PTK2: variants seen among roughly 807,000 people sequenced by gnomAD.
PTK2 encodes focal adhesion kinase 1.
In PTK2, 45 loss-of-function variants were observed where a neutral mutation model predicts 150.1. The ratio of observed to expected loss-of-function variants is 0.30; its 90% CI spans 0.24 to 0.38. The LOEUF (loss-of-function observed/expected upper bound fraction) is 0.38, where lower values mean the gene tolerates loss of function less well. Ranked by LOEUF, PTK2 falls within the 10% of genes least tolerant of loss-of-function variation. PTK2 has a pLI of 1.00. For synonymous variants in PTK2, 432 were observed against 449.2 expected (o/e 0.96, Z 0.48); for missense variants, 919 against 1,307.3 (o/e 0.70, Z 4.58).
At chr8:140,768,303 T>C (rs1406807065) in intron 14 of PTK2, among the ~76,000 whole-genome samples, 1 of 152,242 alleles carries the variant, frequency 6.6e-6, no homozygotes, top group Non-Finnish European at 1.5e-5. Context: ...GCTCAGCTTA[T>C]TCACCTGTAA....
chr8:140,816,932 T>C (rs1028730282), intron 10 of PTK2, among the ~76,000 whole-genome samples: 4 of 152,148 alleles, frequency 2.6e-5, no homozygotes, highest in Admixed American at 2.6e-4. Context: ...AACCCTGCAG[T>C]TCCATCCTTG....
chr8:140,953,608 T>C (rs2100180229), intron 1 of PTK2, among the ~76,000 whole-genome samples: 1 of 152,218 alleles, frequency 6.6e-6, no homozygotes, highest in Admixed American at 6.5e-5. Flanking sequence ...ATTTAAAACT[T>C]ATAAATTGTT....
chr8:140,700,895 A>T lies in PTK2; in HGVS notation c.2495T>A (p.Phe832Tyr), dbSNP rs1194624468. Residue 832 changes from phenylalanine to tyrosine, a missense_variant, in exon 26 of 32, where the codon TTT becomes TAT. This residue lies in a region of PTK2 where 258 missense variants were observed against 265.4 expected (regional missense o/e 0.97). Coordinates refer to ENST00000522684, the Ensembl canonical transcript of PTK2. The stretch of plus-strand genomic sequence containing the variant: ...GCCTTTCAGAAACACAATTACCAGA[A>T]ATCTTTCCTCTTTTTCCAGCCAGCG... 4 of 1,613,822 alleles carry T rather than the reference A, an allele frequency of 2.5e-6. No homozygotes were observed. The Admixed American group carries it at 6.7e-5, about 27-fold the overall frequency.
At chr8:140,760,449 ATAT>A (rs1459851995) in intron 16 of PTK2, among the ~76,000 whole-genome samples, 1 of 152,216 alleles carries the variant, frequency 6.6e-6, no homozygotes, top group African/African-American at 2.4e-5. Flanking sequence ...AACCTTAAAA[ATAT>A]TATGCTAAGC....
At chr8:140,874,175 T>C (rs952631606) in intron 4 of PTK2, among the ~76,000 whole-genome samples, 1 of 152,196 alleles carries the variant, frequency 6.6e-6, no homozygotes, top group African/African-American at 2.4e-5. Context: ...AAGAGCTCTC[T>C]AAGGTCATCC....
In PTK2 at chr8:140,678,522, T is replaced by C. The variant is rs2100015132; in HGVS notation, c.2563-3023A>G. On this transcript the variant is annotated intron_variant, in intron 27 of 31. Transcript: ENST00000522684. ...GTGCATGCCATCACACCTGGCTAGTTTTTATATTTCTTGTAGAGACAAGGT... is the reference window on the plus strand; with the variant it reads ...GTGCATGCCATCACACCTGGCTAGTCTTTATATTTCTTGTAGAGACAAGGT... 2.0e-5 allele frequency among the ~76,000 whole-genome samples: 3 copies of C among 152,006 alleles called. No homozygotes were observed. The South Asian group carries it at 6.2e-4, about 32-fold the overall frequency.
intron 5 of PTK2, among the ~76,000 whole-genome samples, chr8:140,860,726 G>A (rs1192370986): frequency 1.3e-5 from 2 of 152,056 alleles, no homozygotes; most frequent in Admixed American, 6.5e-5. Context: ...CACCCGCCTC[G>A]GCCTCCCAAA....
intron 14 of PTK2, among the ~76,000 whole-genome samples, chr8:140,786,117 C>T (rs1461522852): frequency 6.6e-6 from 1 of 152,192 alleles, no homozygotes; most frequent in Non-Finnish European, 1.5e-5. Flanking sequence ...CAAGAACTAT[C>T]TGTTGGCCGG....
At chr8:140,747,531 C>G (rs1370412488) in intron 17 of PTK2, among the ~76,000 whole-genome samples, 3 of 6,050 alleles carry the variant, frequency 5.0e-4, no homozygotes, top group Non-Finnish European at 6.2e-4. Context: ...AGGAGGGGGA[C>G]GAGGAGGGGG....
intron 1 of PTK2, among the ~76,000 whole-genome samples, chr8:140,949,423 G>A (rs1483891605): frequency 1.1e-4 from 17 of 152,304 alleles, no homozygotes; most frequent in African/African-American, 4.1e-4. Context: ...AGGTACAGCT[G>A]CAGCCTCCTA....
At position 140,673,258 on chromosome 8, in the gene PTK2, C is replaced by A. The variant is rs549721954; in HGVS notation, c.2709+1040G>T. Reference sequence around the variant, plus strand: ...GAGTAGCTGGGATTGCAGACATGCACCACCACGCCCAGCTAATTTCTTTGT... The same window carrying A: ...GAGTAGCTGGGATTGCAGACATGCAACACCACGCCCAGCTAATTTCTTTGT... On this transcript the variant is annotated intron_variant, in intron 29 of 31. Coordinates refer to ENST00000522684, the Ensembl canonical transcript of PTK2. 3.3e-5 allele frequency among the ~76,000 whole-genome samples: 5 copies of A among 152,210 alleles called. No homozygotes were observed. In the East Asian group the frequency reaches 9.7e-4, roughly 29 times the overall value.
chr8:140,846,178 C>T, intron 7 of PTK2, 82 bp downstream of exon 7: 1 of 1,140,054 alleles, frequency 8.8e-7, no homozygotes, highest in Non-Finnish European at 1.2e-6. Flanking sequence ...AGCAGTGTTT[C>T]AGAATCAGTA....
At chr8:140,794,447 C>T (rs550734288) in intron 12 of PTK2, among the ~76,000 whole-genome samples, 17 of 152,104 alleles carry the variant, frequency 1.1e-4, no homozygotes, top group Non-Finnish European at 1.2e-4. Context: ...TTGCTGTCCA[C>T]GGTTCCTCTC....
intron 8 of PTK2, among the ~76,000 whole-genome samples, chr8:140,829,449 C>T (rs542005611): frequency 1.3e-5 from 2 of 152,336 alleles, no homozygotes; most frequent in African/African-American, 2.4e-5. Context: ...ATCAACATGA[C>T]GTCGACAGTT....
At position 140,871,762 on chromosome 8, in the gene PTK2, C is replaced by G. The variant is rs544689514; in HGVS notation, c.363-7363G>C. Among the ~76,000 whole-genome samples the G allele has an allele frequency of 6.6e-5, 10 of 152,174 alleles. No individual in the cohort carries two copies. The East Asian group carries it at 1.7e-3, about 26-fold the overall frequency. On this transcript the variant is annotated intron_variant, in intron 4 of 31. Transcript: ENST00000522684. The stretch of plus-strand genomic sequence containing the variant: ...AGTGTGATGGCAAACACCTCTAGTC[C>G]TAGGTAACTGGGAGGCTAAGAAAGG...
At chr8:140,867,444 G>A (rs779841556) in intron 4 of PTK2, among the ~76,000 whole-genome samples, 5 of 152,086 alleles carry the variant, frequency 3.3e-5, no homozygotes, top group African/African-American at 7.2e-5. Flanking sequence ...ATATTTAAAG[G>A]CACAATGATA....
In PTK2 at chr8:140,920,750, C is replaced by G. The variant is rs892316153; in HGVS notation, c.-33+4911G>C. 71 of 1,299,162 alleles carry G rather than the reference C, an allele frequency of 5.5e-5. 1 individual carries two copies. In the Admixed American group the frequency reaches 1.3e-3, roughly 24 times the overall value. 80.5% of individuals were successfully genotyped at this position (1,299,162 alleles called of 1,614,324 possible). On this transcript the variant is annotated intron_variant, in intron 2 of 31. Coordinates refer to ENST00000522684, the Ensembl canonical transcript of PTK2. ...GAAATAAATTCTGAAAAACATTTAT[C>G]TACCTTTTCGGTGCAAAAGCATGAA...
intron 27 of PTK2, among the ~76,000 whole-genome samples, chr8:140,676,943 C>CAAAA (rs71320398): frequency 3.5e-5 from 3 of 85,882 alleles, no homozygotes; most frequent in African/African-American, 9.0e-5. Context: ...GACTCCATCT[C>CAAAA]AAAAAAAAAA....
intron 1 of PTK2, among the ~76,000 whole-genome samples, chr8:140,942,145 T>A (rs1240595916): frequency 6.6e-6 from 1 of 152,154 alleles, no homozygotes; most frequent in Non-Finnish European, 1.5e-5. Context: ...TCCCAAAGGG[T>A]TGGGATTACA....
Sources: gnomAD v4.1 joint callset for allele counts (sites outside exome capture counted in the v4.1 genomes callset) on GRCh38, gnomAD v4.1.1 for gene constraint, gnomAD v4.1.1 regional missense constraint, MANE v1.5 for transcripts, NCBI Gene and HGNC (gene_info 2026-07-23, HGNC 2026-07-21) for gene names.